Variants in ANKS1B observed in about 807,000 individuals in gnomAD.
The protein encoded by ANKS1B is ankyrin repeat and sterile alpha motif domain-containing protein 1B.
Under a neutral mutation model 148.3 loss-of-function variants are expected in ANKS1B, and 36 were observed. That is an observed-to-expected ratio of 0.24 (90% CI 0.19 to 0.32). The LOEUF (loss-of-function observed/expected upper bound fraction) is 0.32. Among genes scored for constraint, ANKS1B ranks in the 10% least tolerant of loss-of-function variants. The probability of loss-of-function intolerance (pLI) is 1.00; values close to 1 mark genes in which losing one functional copy is unlikely to be tolerated. For synonymous variants in ANKS1B, 542 were observed against 560.8 expected (o/e 0.97, Z 0.47); for missense variants, 1,157 against 1,542.6 (o/e 0.75, Z 4.19).
intron 16 of ANKS1B, among the ~76,000 whole-genome samples, chr12:99,078,174 C>T (rs972369195): frequency 6.6e-5 from 10 of 152,116 alleles, no homozygotes; most frequent in African/African-American, 2.4e-4. Flanking sequence ...GATCTATTTT[C>T]TTCGTTCAGG....
intron 8 of ANKS1B, among the ~76,000 whole-genome samples, chr12:99,734,416 C>A (rs187044952): frequency 1.1e-4 from 16 of 152,262 alleles, no homozygotes; most frequent in African/African-American, 3.6e-4. Context: ...CCTCAGCACC[C>A]CCGAGTAGCT....
chr12:98,923,747 G>T (rs2099804457), intron 17 of ANKS1B, among the ~76,000 whole-genome samples: 1 of 152,204 alleles, frequency 6.6e-6, no homozygotes, highest in South Asian at 2.1e-4. Flanking sequence ...CTGGGGAAAG[G>T]TAGGACTTTG....
intron 17 of ANKS1B, among the ~76,000 whole-genome samples, chr12:99,020,194 C>T (rs2099944941): frequency 6.6e-6 from 1 of 152,036 alleles, no homozygotes; most frequent in South Asian, 2.1e-4. Context: ...TCATCCATCT[C>T]TGGCACTTTT....
chr12:99,955,719 A>C (rs1380927565), intron 1 of ANKS1B, among the ~76,000 whole-genome samples: 1 of 152,020 alleles, frequency 6.6e-6, no homozygotes, highest in Non-Finnish European at 1.5e-5. Context: ...AAACCAACTG[A>C]ATTCTGGATC....
At chr12:99,456,900 C>A (rs918444359) in intron 10 of ANKS1B, among the ~76,000 whole-genome samples, 1 of 151,902 alleles carries the variant, frequency 6.6e-6, no homozygotes, top group African/African-American at 2.4e-5. Context: ...TCTAGACATC[C>A]AAATACAAAA....
At chr12:98,833,946 G>A (rs1457702121) in intron 17 of ANKS1B, among the ~76,000 whole-genome samples, 1 of 152,238 alleles carries the variant, frequency 6.6e-6, no homozygotes, top group East Asian at 1.9e-4. Flanking sequence ...TTATGTCTGT[G>A]TAGTATTTCA....
intron 9 of ANKS1B, among the ~76,000 whole-genome samples, chr12:99,630,777 G>A (rs1033847915): frequency 2.0e-5 from 3 of 152,100 alleles, no homozygotes; most frequent in African/African-American, 7.2e-5. Context: ...CGTTGCCTTG[G>A]GACTCTACAG....
intron 8 of ANKS1B, among the ~76,000 whole-genome samples, chr12:99,672,651 C>T (rs910410586): frequency 6.6e-6 from 1 of 152,140 alleles, no homozygotes; most frequent in African/African-American, 2.4e-5. Flanking sequence ...ATTCAGTGGA[C>T]AGCACCTACA....
intron 9 of ANKS1B, among the ~76,000 whole-genome samples, chr12:98,736,809 C>T (rs1243831572): frequency 6.6e-6 from 1 of 152,200 alleles, no homozygotes; most frequent in Non-Finnish European, 1.5e-5. Context: ...GGCCCCTTAA[C>T]GTCTTCTTGT....
rs541681486 is a variant in ANKS1B at position 98,908,716 on chromosome 12, T to TA, written c.2779-76581dup. Among the ~76,000 whole-genome samples, 215 of 152,300 alleles carry TA rather than the reference T, an allele frequency of 1.4e-3. 1 individual carries two copies. The highest frequency in any genetic ancestry group is 4.9e-3 in the African/African-American group (203 of 41,584). On this transcript the variant is annotated intron_variant, in intron 17 of 26. Coordinates refer to ENST00000683438, the MANE Select transcript of ANKS1B (RefSeq NM_001352186.2). ...AATAAGCTTGCTTAACTTTTGCACT[T>TA]ATGACAAGGAGTAGTGTTTGTTCCT...
intron 9 of ANKS1B, among the ~76,000 whole-genome samples, chr12:99,641,846 A>G (rs2098310401): frequency 6.6e-6 from 1 of 152,152 alleles, no homozygotes; most frequent in Non-Finnish European, 1.5e-5. Flanking sequence ...TGCTAAAAGA[A>G]GCTATTCCGT....
In ANKS1B at chr12:99,570,699, T is replaced by C. The variant is rs550259141; in HGVS notation, c.1273-66058A>G. ...AACAAGATTGGCAAAATGATGAACA[T>C]TGATGAAGCTGGGTGACTGGTATTA... On this transcript the variant is annotated intron_variant, in intron 9 of 26. Coordinates refer to ENST00000683438, the MANE Select transcript of ANKS1B (RefSeq NM_001352186.2). Among the ~76,000 whole-genome samples, 708 of 151,160 alleles carry C rather than the reference T, an allele frequency of 4.7e-3. 3 individuals are homozygous for C. The highest frequency in any genetic ancestry group is 7.1e-3 in the Non-Finnish European group (484 of 67,842).
chr12:98,781,005 G>A, intron 24 of ANKS1B, 112 bp downstream of exon 24: 1 of 653,142 alleles, frequency 1.5e-6, no homozygotes, highest in Non-Finnish European at 2.6e-6. Context: ...AAGGTTGGGG[G>A]AAAGGGATGA....
At chr12:99,899,113 C>A (rs1350802145) in intron 1 of ANKS1B, among the ~76,000 whole-genome samples, 3 of 152,118 alleles carry the variant, frequency 2.0e-5, no homozygotes, top group East Asian at 3.9e-4. Context: ...CCACTAAATT[C>A]TTTGTGTGCC....
intron 9 of ANKS1B, among the ~76,000 whole-genome samples, chr12:99,590,729 G>A (rs936414765): frequency 2.0e-5 from 3 of 152,088 alleles, no homozygotes; most frequent in African/African-American, 7.2e-5. Flanking sequence ...TAAAAGAAGT[G>A]GTGTTCACTG....
chr12:99,451,223 T>C lies in ANKS1B; in HGVS notation c.1439-7414A>G, dbSNP rs540090777. 5.3e-5 allele frequency among the ~76,000 whole-genome samples: 8 copies of C among 152,060 alleles called. No homozygotes were observed. In the South Asian group the frequency reaches 1.4e-3, roughly 28 times the overall value. ...TCATTATGAATGTCAGTTTAGTCTA[T>C]AATAACAACATTAGAAAAAATACTT... is the stretch of plus-strand genomic sequence containing the variant. On this transcript the variant is annotated intron_variant, in intron 10 of 26. Coordinates refer to ENST00000683438, the MANE Select transcript of ANKS1B (RefSeq NM_001352186.2).
At chr12:99,467,544 T>C (rs928707505) in intron 10 of ANKS1B, among the ~76,000 whole-genome samples, 2 of 152,182 alleles carry the variant, frequency 1.3e-5, no homozygotes, top group Admixed American at 6.6e-5. Context: ...AAAACCCCAC[T>C]GTCTCAGCCC....
chr12:99,605,990 A>G (rs1481366055), intron 9 of ANKS1B, among the ~76,000 whole-genome samples: 1 of 152,074 alleles, frequency 6.6e-6, no homozygotes, highest in African/African-American at 2.4e-5. Flanking sequence ...TGTCCTCACC[A>G]GCATTTGTTA....
At chr12:98,826,673 G>A (rs2153680281) in intron 19 of ANKS1B, among the ~76,000 whole-genome samples, 1 of 152,280 alleles carries the variant, frequency 6.6e-6, no homozygotes, top group East Asian at 1.9e-4. Flanking sequence ...CCTGAAGGTG[G>A]ACTTTTGCAT....
Sources: allele counts gnomAD v4.1 joint callset (sites outside exome capture counted in the v4.1 genomes callset), GRCh38; gene constraint gnomAD v4.1.1; transcripts MANE v1.5; gene names NCBI Gene and HGNC (gene_info 2026-07-23, HGNC 2026-07-21).